C8orf34: variants seen among roughly 807,000 people sequenced by gnomAD.
C8orf34 encodes chromosome 8 open reading frame 34, also known as uncharacterized protein C8orf34.
A neutral mutation model predicts 68.3 loss-of-function variants in C8orf34; 65 were observed. The observed-to-expected ratio is 0.95, with a 90% CI of 0.78 to 1.17. The LOEUF (loss-of-function observed/expected upper bound fraction) is 1.17. C8orf34 is among the 50% of genes most tolerant of loss of function. C8orf34 has a pLI of 0.00. For missense variants in C8orf34, 664 were observed against 655.4 expected, an observed-to-expected ratio of 1.01 and a Z score of -0.14; for synonymous variants, 244 against 241.2, an observed-to-expected ratio of 1.01 and a Z score of -0.11.
chr8:68,504,783 G>T (rs1180463355), intron 5 of C8orf34, among the ~76,000 whole-genome samples: 1 of 151,742 alleles, frequency 6.6e-6, no homozygotes, highest in Admixed American at 6.6e-5. Flanking sequence ...GCATTCAAGC[G>T]ATTCTCGTGC....
At chr8:68,401,564 G>A (rs1461906203) in intron 1 of C8orf34, among the ~76,000 whole-genome samples, 4 of 151,880 alleles carry the variant, frequency 2.6e-5, no homozygotes, top group Admixed American at 6.6e-5. Context: ...ATGCCCATTC[G>A]TTGAGAGTTT....
chr8:68,670,876 A>G (rs1003768428), intron 8 of C8orf34, among the ~76,000 whole-genome samples: 1 of 152,180 alleles, frequency 6.6e-6, no homozygotes, highest in African/African-American at 2.4e-5. Flanking sequence ...AATACTTCTT[A>G]TAGCACTTAT....
intron 5 of C8orf34, among the ~76,000 whole-genome samples, chr8:68,518,192 A>G (rs1586303213): frequency 6.6e-6 from 1 of 152,180 alleles, no homozygotes; most frequent in South Asian, 2.1e-4. Flanking sequence ...TCCAAATTTT[A>G]AAAAAGGAAG....
chr8:68,707,208 G>A (rs939402241), intron 8 of C8orf34, among the ~76,000 whole-genome samples: 6 of 152,110 alleles, frequency 3.9e-5, no homozygotes, highest in South Asian at 4.1e-4. Flanking sequence ...CAGAGTACTC[G>A]AGGATGGCAG....
intron 6 of C8orf34, among the ~76,000 whole-genome samples, chr8:68,522,342 T>G (rs1210020235): frequency 6.6e-6 from 1 of 152,154 alleles, no homozygotes; most frequent in Non-Finnish European, 1.5e-5. Flanking sequence ...ATATTGTTAA[T>G]CATCAGGGAT....
chr8:68,356,800 T>A lies in C8orf34; in HGVS notation c.327+25461T>A, dbSNP rs180916051. Among the ~76,000 whole-genome samples, 138 of 152,224 alleles carry A rather than the reference T, an allele frequency of 9.1e-4. 2 individuals are homozygous for A. The highest frequency in any genetic ancestry group is 3.3e-3 in the African/African-American group (137 of 41,566). On this transcript the variant is annotated intron_variant, in intron 1 of 13. Transcript: ENST00000518698. ...TATTCTACATGAAATATACTGATAA[T>A]TTTAGATTGGAAGTTTTCCCTTTAA...
chr8:68,760,237 G>A (rs1822984785), intron 10 of C8orf34, among the ~76,000 whole-genome samples: 1 of 152,092 alleles, frequency 6.6e-6, no homozygotes, highest in Non-Finnish European at 1.5e-5. Flanking sequence ...TGGAGTGGCA[G>A]GTCATAATGA....
intron 8 of C8orf34, among the ~76,000 whole-genome samples, chr8:68,661,409 T>G (rs1819675875): frequency 6.6e-6 from 1 of 152,232 alleles, no homozygotes; most frequent in African/African-American, 2.4e-5. Flanking sequence ...AAGATTTTTC[T>G]CCTTAGCTCA....
chr8:68,471,777 C>A (rs1042144884), intron 4 of C8orf34, among the ~76,000 whole-genome samples: 1 of 151,958 alleles, frequency 6.6e-6, no homozygotes, highest in Admixed American at 6.6e-5. Context: ...TGAGAATTCA[C>A]TTTATCTTGG....
At position 68,439,496 on chromosome 8, in the gene C8orf34, C is replaced by G. The variant is rs1159475084; in HGVS notation, c.328-3C>G. On this transcript the variant is annotated splice_region_variant and splice_polypyrimidine_tract_variant and intron_variant, in intron 1 of 13. Transcript: ENST00000518698. The stretch of plus-strand genomic sequence containing the variant: ...ATAATTGTGTGCTCTATTCTGCCTT[C>G]AGGAATTAATGACCAAGTTAATAAC... 4 of 1,612,296 alleles carry G rather than the reference C, an allele frequency of 2.5e-6. No homozygotes were observed. The highest frequency in any genetic ancestry group is 3.4e-6 in the Non-Finnish European group (4 of 1,179,270).
At chr8:68,360,404 T>C (rs1806933457) in intron 1 of C8orf34, among the ~76,000 whole-genome samples, 1 of 152,098 alleles carries the variant, frequency 6.6e-6, no homozygotes, top group Admixed American at 6.6e-5. Context: ...TAAACAGGAG[T>C]CTGCATACAT....
At chr8:68,586,706 T>C (rs370395177) in intron 7 of C8orf34, among the ~76,000 whole-genome samples, 1 of 152,152 alleles carries the variant, frequency 6.6e-6, no homozygotes, top group Non-Finnish European at 1.5e-5. Context: ...AAAGATCGAC[T>C]TCTTTCCTTT....
chr8:68,602,721 G>A (rs537613801), intron 7 of C8orf34, among the ~76,000 whole-genome samples: 2 of 152,102 alleles, frequency 1.3e-5, no homozygotes, highest in Middle Eastern at 3.4e-3. Flanking sequence ...CCAGATGTGT[G>A]GGATGGAGGC....
intron 7 of C8orf34, among the ~76,000 whole-genome samples, chr8:68,593,395 A>C (rs1817453399): frequency 6.6e-6 from 1 of 152,052 alleles, no homozygotes; most frequent in African/African-American, 2.4e-5. Context: ...ATTTTTGGAG[A>C]CAGTTTTTTA....
chr8:68,513,148 A>T (rs781656217), intron 5 of C8orf34, among the ~76,000 whole-genome samples: 1 of 152,350 alleles, frequency 6.6e-6, no homozygotes, highest in South Asian at 2.1e-4. Flanking sequence ...GCATTTTACC[A>T]ATAACCTTTA....
intron 8 of C8orf34, among the ~76,000 whole-genome samples, chr8:68,706,820 T>G (rs1473364657): frequency 6.6e-6 from 1 of 152,176 alleles, no homozygotes; most frequent in Non-Finnish European, 1.5e-5. Context: ...GAGAAGAAAG[T>G]TATACATAAT....
chr8:68,376,395 A>G (rs568783278), intron 1 of C8orf34, among the ~76,000 whole-genome samples: 7 of 152,136 alleles, frequency 4.6e-5, no homozygotes, highest in Non-Finnish European at 7.4e-5. Context: ...AAGGAATAAC[A>G]TAAGAAGAAT....
intron 1 of C8orf34, among the ~76,000 whole-genome samples, chr8:68,424,466 G>GA (rs1408534090): frequency 6.6e-6 from 1 of 152,110 alleles, no homozygotes; most frequent in Non-Finnish European, 1.5e-5. Flanking sequence ...ATTTGGATGA[G>GA]AAAAGGACAA....
chr8:68,492,849 G>C (rs1250240238), intron 5 of C8orf34, among the ~76,000 whole-genome samples: 25 of 151,470 alleles, frequency 1.7e-4, no homozygotes, highest in Non-Finnish European at 3.1e-4. Context: ...TTTGTTCACT[G>C]CTTCAAGAAG....
Sources: gnomAD v4.1 joint callset for allele counts (sites outside exome capture counted in the v4.1 genomes callset) on GRCh38, gnomAD v4.1.1 for gene constraint, MANE v1.5 for transcripts, NCBI Gene and HGNC (gene_info 2026-07-23, HGNC 2026-07-21) for gene names.